Variants in RELN observed in about 807,000 individuals in gnomAD.
RELN encodes reelin.
RELN carries 108 observed loss-of-function variants against 427.6 expected under a neutral mutation model. That is an observed-to-expected ratio of 0.25 (90% CI 0.22 to 0.30). The LOEUF (loss-of-function observed/expected upper bound fraction) is 0.30, where lower values mean the gene tolerates loss of function less well. Ranked by LOEUF, RELN falls within the 10% of genes least tolerant of loss-of-function variation. RELN has a pLI of 1.00. For synonymous variants in RELN, 1,524 were observed against 1,513.4 expected (o/e 1.01, Z -0.16); for missense variants, 3,715 against 4,302.8 (o/e 0.86, Z 3.82).
chr7:103,876,077 T>C (rs964404462), intron 2 of RELN, among the ~76,000 whole-genome samples: 1 of 152,154 alleles, frequency 6.6e-6, no homozygotes, highest in African/African-American at 2.4e-5. Context: ...ATTTCTTTGT[T>C]TGATTATGTA....
intron 28 of RELN, among the ~76,000 whole-genome samples, chr7:103,588,656 A>G (rs750255911): frequency 5.3e-5 from 8 of 152,240 alleles, no homozygotes; most frequent in Non-Finnish European, 1.0e-4. Context: ...AAAGCAGAAA[A>G]TTGCTTAATT....
chr7:103,720,089 AAT>A (rs907623756), intron 8 of RELN, among the ~76,000 whole-genome samples: 3 of 151,824 alleles, frequency 2.0e-5, no homozygotes, highest in African/African-American at 7.2e-5. Flanking sequence ...ACACATGTAT[AAT>A]ATATATAATT....
chr7:103,947,741 A>G (rs1796248977), intron 1 of RELN, among the ~76,000 whole-genome samples: 1 of 152,220 alleles, frequency 6.6e-6, no homozygotes, highest in African/African-American at 2.4e-5. Flanking sequence ...CATTCATAAA[A>G]TATAAAAATT....
chr7:103,886,727 A>G (rs1428423223), intron 2 of RELN, among the ~76,000 whole-genome samples: 3 of 152,218 alleles, frequency 2.0e-5, no homozygotes, highest in African/African-American at 4.8e-5. Flanking sequence ...TCAATCCCTA[A>G]TGAAATGTCA....
chr7:103,924,982 G>A (rs539427714), intron 1 of RELN, among the ~76,000 whole-genome samples: 90 of 42,278 alleles, frequency 2.1e-3, no homozygotes, highest in Middle Eastern at 0.013. Flanking sequence ...GTGTGCATGC[G>A]CATACACATA....
At chr7:103,872,109 T>A (rs1274212178) in intron 2 of RELN, among the ~76,000 whole-genome samples, 1 of 143,862 alleles carries the variant, frequency 7.0e-6, no homozygotes, top group Non-Finnish European at 1.5e-5. Flanking sequence ...CATGTGCACA[T>A]TGTGCAGGTT....
rs1056501962 is a variant in RELN at position 103,776,456 on chromosome 7, C to T, written c.544+101G>A. 93 of 1,190,632 alleles carry T rather than the reference C, an allele frequency of 7.8e-5. 1 individual carries two copies. Among genetic ancestry groups the T allele is most frequent in the Admixed American group, 2.9e-4 (17 of 59,144 alleles). The allele number at this position is 1,190,632 out of a possible 1,614,324, so 73.8% of individuals were successfully genotyped here. On this transcript the variant is annotated intron_variant, in intron 4 of 64. Transcript: ENST00000428762. Reference sequence around the variant, plus strand: ...TCAATACTTACATTTTTAAAGCTTACGATTAAGTAATCATAATGAAATGCT... The same window carrying T: ...TCAATACTTACATTTTTAAAGCTTATGATTAAGTAATCATAATGAAATGCT...
In RELN at chr7:103,968,814, C is replaced by A. The variant is rs568322108; in HGVS notation, c.226+20317G>T. Among the ~76,000 whole-genome samples the A allele has an allele frequency of 8.7e-4, 132 of 152,108 alleles. 1 individual carries two copies. Among genetic ancestry groups the A allele is most frequent in the African/African-American group, 3.1e-3 (127 of 41,486 alleles). On this transcript the variant is annotated intron_variant, in intron 1 of 64. Transcript: ENST00000428762. The surrounding 1 kb of genome is among the most constrained non-coding windows in gnomAD (Gnocchi z 4.3). ...ACATTCTGCCTAACAACAACAAAAA[C>A]AATTACAGACAAAACTTCATAATAT...
At chr7:103,604,630 A>G (rs1269721366) in intron 22 of RELN, 147 bp from the exon 23 acceptor site, 7 of 770,038 alleles carry the variant, frequency 9.1e-6, no homozygotes, top group Middle Eastern at 4.5e-4. Flanking sequence ...TTTCCACTCA[A>G]TTATTGTCCA....
At chr7:103,499,880 G>C (rs1206751476) in intron 53 of RELN, among the ~76,000 whole-genome samples, 1 of 152,188 alleles carries the variant, frequency 6.6e-6, no homozygotes, top group Non-Finnish European at 1.5e-5. Context: ...TTAATTACCT[G>C]TGGTATATAA....
chr7:103,956,677 T>C (rs1796440762), intron 1 of RELN, among the ~76,000 whole-genome samples: 1 of 152,074 alleles, frequency 6.6e-6, no homozygotes. Flanking sequence ...CCAAAAGGGG[T>C]TATTAGCAAG....
At position 103,574,196 on chromosome 7, in the gene RELN, C is replaced by T; in HGVS notation, c.4407G>A (p.Gln1469=). Reference sequence around the variant, plus strand: ...TAAGTGTTCCACAGCCAGTTCCAACCTGGGCACCTGTTATCTTGTACCACA... The same window carrying T: ...TAAGTGTTCCACAGCCAGTTCCAACTTGGGCACCTGTTATCTTGTACCACA... The part of the protein sequence containing the change: ...SPLWYKITGA[Q]VGTGCGTLND... Residue 1469 remains glutamine (Q), a synonymous_variant, in exon 30 of 65, where the codon CAG becomes CAA. Transcript: ENST00000428762. 1.2e-6 allele frequency: 2 copies of T among 1,614,216 alleles called. No homozygotes were observed. The highest frequency in any genetic ancestry group is 1.7e-6 in the Non-Finnish European group (2 of 1,180,032).
chr7:103,575,543 C>T lies in RELN; in HGVS notation c.4303+5G>A, dbSNP rs1374880951. 6.2e-7 allele frequency: 1 copy of T among 1,613,896 alleles called. No homozygotes were observed. Among genetic ancestry groups the T allele is most frequent in the East Asian group, 2.2e-5 (1 of 44,876 alleles). On this transcript the variant is annotated splice_donor_5th_base_variant and intron_variant, in intron 29 of 64. Coordinates refer to ENST00000428762, the MANE Select transcript of RELN (RefSeq NM_005045.4). ...AAACCCTCAGACACATGTATTTAGCCTTACCAGTATATCCCAGGTCACAGA... is the reference window on the plus strand; with the variant it reads ...AAACCCTCAGACACATGTATTTAGCTTTACCAGTATATCCCAGGTCACAGA...
intron 2 of RELN, among the ~76,000 whole-genome samples, chr7:103,834,327 T>A (rs540349639): frequency 6.6e-6 from 1 of 152,320 alleles, no homozygotes; most frequent in East Asian, 1.9e-4. Context: ...GGGATGTTGG[T>A]CACTTTCGTG....
intron 20 of RELN, among the ~76,000 whole-genome samples, chr7:103,614,572 G>C (rs890024749): frequency 2.0e-5 from 3 of 152,228 alleles, no homozygotes; most frequent in African/African-American, 4.8e-5. Flanking sequence ...TCTCTGCTGA[G>C]ACTGTGGAAC....
At position 103,818,596 on chromosome 7, in the gene RELN, C is replaced by G. The variant is rs118039418; in HGVS notation, c.473+14941G>C. Among the ~76,000 whole-genome samples the G allele has an allele frequency of 8.6e-3, 1,308 of 152,232 alleles. 12 individuals carry two copies. Among genetic ancestry groups the G allele is most frequent in the Non-Finnish European group, 0.015 (988 of 67,990 alleles). The stretch of plus-strand genomic sequence containing the variant: ...AGGTTGACTTCATAGTTAACCTTAA[C>G]ATAAAAATAACATACTTTCGTAATG... On this transcript the variant is annotated intron_variant, in intron 3 of 64. Coordinates refer to ENST00000428762, the MANE Select transcript of RELN (RefSeq NM_005045.4).
chr7:103,613,654 T>C (rs977711662), intron 20 of RELN, among the ~76,000 whole-genome samples: 1 of 152,164 alleles, frequency 6.6e-6, no homozygotes, highest in Non-Finnish European at 1.5e-5. Context: ...AAATCCTTTA[T>C]GAGGAAGATA....
chr7:103,732,425 G>T (rs1012495539), intron 6 of RELN, among the ~76,000 whole-genome samples: 6 of 152,012 alleles, frequency 3.9e-5, no homozygotes, highest in African/African-American at 1.4e-4. Context: ...TGCCCATTAA[G>T]GTGATCTTCC....
In RELN at chr7:103,723,265, C is replaced by T. The variant is rs147723957; in HGVS notation, c.754-74G>A. 2,406 of 862,044 alleles carry T rather than the reference C, an allele frequency of 2.8e-3. 35 individuals carry two copies. In the African/African-American group the frequency reaches 0.035, roughly 13 times the overall value. 53.4% of individuals were successfully genotyped at this position (862,044 alleles called of 1,614,324 possible). Reference sequence around the variant, plus strand: ...GAGGAGAAAGATGCTGGGAGGGGTACGGGGAGGGGAAGAGTTAAAAAAGAG... The same window carrying T: ...GAGGAGAAAGATGCTGGGAGGGGTATGGGGAGGGGAAGAGTTAAAAAAGAG... On this transcript the variant is annotated intron_variant, in intron 7 of 64. Transcript: ENST00000428762.
Sources: gnomAD v4.1 joint callset for allele counts (sites outside exome capture counted in the v4.1 genomes callset) on GRCh38, gnomAD v4.1.1 for gene constraint, Gnocchi (gnomAD v3.1) non-coding constraint, MANE v1.5 for transcripts, NCBI Gene and HGNC (gene_info 2026-07-23, HGNC 2026-07-21) for gene names.